Variants in KCNN2 observed in about 807,000 individuals in gnomAD.
KCNN2 encodes small conductance calcium-activated potassium channel protein 2.
In KCNN2, 24 loss-of-function variants were observed where a neutral mutation model predicts 55.5. The ratio of observed to expected loss-of-function variants is 0.43; its 90% CI spans 0.31 to 0.61. KCNN2 has a LOEUF of 0.61. Ranked by LOEUF, KCNN2 falls within the 20% of genes least tolerant of loss-of-function variation. The pLI, the probability that KCNN2 is intolerant of heterozygous loss-of-function variation, is 0.08. For missense variants in KCNN2, 754 were observed against 853.6 expected (o/e 0.88, Z 1.45); for synonymous variants, 431 against 336.1 (o/e 1.28, Z -3.09).
chr5:114,115,534 A>G (rs546435026), intron 1 of KCNN2, among the ~76,000 whole-genome samples: 1 of 152,270 alleles, frequency 6.6e-6, no homozygotes, highest in Admixed American at 6.5e-5. Flanking sequence ...GATGACATGA[A>G]TGCCAGTGAT....
At position 114,472,117 on chromosome 5, in the gene KCNN2, G is replaced by A. The variant is rs566977888; in HGVS notation, c.1780-937G>A. On this transcript the variant is annotated intron_variant, in intron 4 of 7. Coordinates refer to ENST00000673685, the MANE Select transcript of KCNN2 (RefSeq NM_021614.4). ...GACTTCCCTTTCACAGACCCCTGAG[G>A]TAGTTCCTCACATGCCCCCTTCCCT... Among the ~76,000 whole-genome samples the A allele has an allele frequency of 3.3e-5, 5 of 152,270 alleles. No individual in the cohort carries two copies. In the East Asian group the frequency reaches 9.7e-4, roughly 29 times the overall value.
At chr5:114,107,130 C>A (rs555867715) in intron 1 of KCNN2, among the ~76,000 whole-genome samples, 2 of 152,174 alleles carry the variant, frequency 1.3e-5, no homozygotes, top group East Asian at 3.9e-4. Context: ...CAATTAATCA[C>A]CACCATTCAT....
intron 3 of KCNN2, among the ~76,000 whole-genome samples, chr5:114,456,232 C>T (rs936879187): frequency 6.6e-6 from 1 of 152,128 alleles, no homozygotes; most frequent in Admixed American, 6.5e-5. Flanking sequence ...GAAGGCAATC[C>T]TGATTTACCA....
intron 4 of KCNN2, among the ~76,000 whole-genome samples, chr5:114,470,641 G>A (rs771034071): frequency 1.8e-4 from 27 of 152,192 alleles, no homozygotes; most frequent in Non-Finnish European, 3.1e-4. Flanking sequence ...AAAATACCTC[G>A]CTTTCATTGT....
chr5:114,387,259 G>C (rs1758315697), intron 2 of KCNN2, among the ~76,000 whole-genome samples: 1 of 152,188 alleles, frequency 6.6e-6, no homozygotes, highest in African/African-American at 2.4e-5. Context: ...TTAATCACTG[G>C]CATGGCTGCT....
At chr5:114,215,731 T>A (rs549197417) in intron 1 of KCNN2, among the ~76,000 whole-genome samples, 1 of 152,262 alleles carries the variant, frequency 6.6e-6, no homozygotes, top group Non-Finnish European at 1.5e-5. Flanking sequence ...TGTTTTCTTA[T>A]AACTAAATGA....
chr5:114,487,026 C>T (rs1208504289), intron 5 of KCNN2, 24 bp from the exon 6 acceptor site: 2 of 1,611,762 alleles, frequency 1.2e-6, no homozygotes, highest in Non-Finnish European at 1.7e-6. Flanking sequence ...AATTTATCAA[C>T]TGCTTTGTTT....
intron 1 of KCNN2, among the ~76,000 whole-genome samples, chr5:114,169,847 A>G (rs1256816720): frequency 2.0e-5 from 3 of 152,116 alleles, no homozygotes; most frequent in African/African-American, 7.2e-5. Context: ...TATGTCAGAG[A>G]GGAGATAAGG....
intron 1 of KCNN2, among the ~76,000 whole-genome samples, chr5:114,174,069 A>G (rs984261836): frequency 2.0e-5 from 3 of 152,110 alleles, no homozygotes; most frequent in Non-Finnish European, 4.4e-5. Context: ...CCCCCAAAGT[A>G]CCTTTTTAGT....
At chr5:114,464,976 A>G (rs1017278710) in intron 4 of KCNN2, among the ~76,000 whole-genome samples, 46 of 152,168 alleles carry the variant, frequency 3.0e-4, no homozygotes, top group African/African-American at 1.1e-3. Flanking sequence ...GATATAAATG[A>G]TGCTATTTAT....
intron 2 of KCNN2, among the ~76,000 whole-genome samples, chr5:114,383,407 G>C (rs907846758): frequency 2.0e-5 from 3 of 150,906 alleles, no homozygotes; most frequent in Non-Finnish European, 2.9e-5. Flanking sequence ...TATGGTCTTA[G>C]AGGGGAAGGT....
At chr5:114,064,103 T>C (rs1237044908) in intron 1 of KCNN2, among the ~76,000 whole-genome samples, 2 of 152,302 alleles carry the variant, frequency 1.3e-5, no homozygotes, top group East Asian at 3.9e-4. Context: ...TTAATTGGCT[T>C]GGGGAGTGGC....
intron 1 of KCNN2, among the ~76,000 whole-genome samples, chr5:114,130,263 T>G (rs543175306): frequency 6.6e-6 from 1 of 152,218 alleles, no homozygotes; most frequent in African/African-American, 2.4e-5. Flanking sequence ...TGGTTAGATA[T>G]AGATCTACTC....
At chr5:114,495,248 A>G (rs1466115771) in intron 7 of KCNN2, among the ~76,000 whole-genome samples, 2 of 152,224 alleles carry the variant, frequency 1.3e-5, no homozygotes, top group Admixed American at 1.3e-4. Flanking sequence ...TAACTTCAGT[A>G]TCTCCCTTAA....
chr5:114,250,027 T>G (rs1338631594), intron 2 of KCNN2, among the ~76,000 whole-genome samples: 1 of 152,180 alleles, frequency 6.6e-6, no homozygotes, highest in Non-Finnish European at 1.5e-5. Flanking sequence ...TTCCTTATGG[T>G]TTCCATTGTG....
At chr5:114,315,461 GTGTGTA>G (rs776528519) in intron 2 of KCNN2, among the ~76,000 whole-genome samples, 16,139 of 93,408 alleles carry the variant, frequency 0.17, 1,125 homozygotes, top group Non-Finnish European at 0.23. Flanking sequence ...GTGTGTGTGT[GTGTGTA>G]TATATATATA....
chr5:114,249,661 A>G (rs1404476084), intron 2 of KCNN2, among the ~76,000 whole-genome samples: 1 of 151,694 alleles, frequency 6.6e-6, no homozygotes, highest in Non-Finnish European at 1.5e-5. Context: ...ATAAATCCAA[A>G]CTATTAAAAT....
chr5:114,305,857 C>T (rs991253312), intron 2 of KCNN2, among the ~76,000 whole-genome samples: 30 of 152,106 alleles, frequency 2.0e-4, no homozygotes, highest in Admixed American at 1.8e-3. Context: ...CAGTCCACTA[C>T]CAGAAAATAG....
rs1227584837 is a variant in KCNN2 at position 114,230,207 on chromosome 5, T to A, written c.-185+8642T>A. ...AGGATAAGTATTAGATTATAAAGGA[T>A]AAGCAGGATTCTTCATTTCTGAGAT... On this transcript the variant is annotated intron_variant, in intron 2 of 10. Transcript: ENST00000512097. Among the ~76,000 whole-genome samples the A allele has an allele frequency of 9.2e-5, 14 of 151,840 alleles. 1 individual carries two copies. Among genetic ancestry groups the A allele is most frequent in the Non-Finnish European group, 1.6e-4 (11 of 67,980 alleles).
Sources: allele counts gnomAD v4.1 joint callset (sites outside exome capture counted in the v4.1 genomes callset), GRCh38; gene constraint gnomAD v4.1.1; transcripts MANE v1.5; gene names NCBI Gene and HGNC (gene_info 2026-07-23, HGNC 2026-07-21).